Variants in DIS3L2 observed in about 807,000 individuals in gnomAD.
DIS3L2 encodes the protein DIS3 like 3'-5' exoribonuclease 2.
Under a neutral mutation model 97.5 loss-of-function variants are expected in DIS3L2, and 34 were observed. The observed-to-expected ratio is 0.35, with a 90% confidence interval of 0.27 to 0.46. The LOEUF is 0.46. DIS3L2 is among the 20% of genes least tolerant of loss of function. The pLI is 1.00. For missense variants in DIS3L2, 1,038 were observed against 1,146.0 expected, an observed-to-expected ratio of 0.91 and a Z score of 1.36; for synonymous variants, 435 against 445.2, an observed-to-expected ratio of 0.98 and a Z score of 0.29.
chr2:232,084,451 G>A (rs1257508721), intron 5 of DIS3L2, among the ~76,000 whole-genome samples: 2 of 152,182 alleles, frequency 1.3e-5, no homozygotes, highest in African/African-American at 4.8e-5. Flanking sequence ...TCATGTTGAT[G>A]CTCAAAAAGT....
chr2:232,294,508 T>G (rs1429921383), intron 13 of DIS3L2, among the ~76,000 whole-genome samples: 1 of 152,160 alleles, frequency 6.6e-6, no homozygotes, highest in Non-Finnish European at 1.5e-5. Flanking sequence ...TGAATTTCAG[T>G]CCTCATGAAG....
intron 7 of DIS3L2, among the ~76,000 whole-genome samples, chr2:232,135,672 A>G (rs1028328115): frequency 2.0e-5 from 3 of 151,904 alleles, no homozygotes; most frequent in Non-Finnish European, 4.4e-5. Context: ...GGTGCACTCA[A>G]TTGGTTTGGA....
intron 8 of DIS3L2, among the ~76,000 whole-genome samples, chr2:232,157,030 T>G (rs1690513181): frequency 6.6e-6 from 1 of 152,232 alleles, no homozygotes; most frequent in South Asian, 2.1e-4. Flanking sequence ...CTTTATATTG[T>G]TGTTGCCATT....
intron 5 of DIS3L2, among the ~76,000 whole-genome samples, chr2:232,032,648 A>G (rs941500769): frequency 3.3e-5 from 5 of 152,070 alleles, no homozygotes; most frequent in African/African-American, 1.2e-4. Flanking sequence ...TTACATATAA[A>G]CATTTAATCC....
At chr2:232,136,860 A>T in intron 8 of DIS3L2, 141 bp downstream of exon 8, 1 of 1,095,656 alleles carries the variant, frequency 9.1e-7, no homozygotes, top group Non-Finnish European at 1.3e-6. Flanking sequence ...CTGATTCTTC[A>T]GAAGTCACTC....
exon 14 of DIS3L2, chr2:232,343,628 T>G (rs1696163462): frequency 1.3e-6 from 2 of 1,543,336 alleles, no homozygotes; most frequent in Non-Finnish European, 1.8e-6. Flanking sequence ...GGAAAGAAAG[T>G]AAACAGGTAA....
chr2:231,976,799 G>A (rs557809645), intron 1 of DIS3L2, among the ~76,000 whole-genome samples: 13 of 123,568 alleles, frequency 1.1e-4, no homozygotes, highest in African/African-American at 3.8e-4. Context: ...ACAGAGTCTC[G>A]CTCTGTTGCC....
chr2:232,204,211 T>C (rs1019917719), intron 9 of DIS3L2, among the ~76,000 whole-genome samples: 4 of 152,136 alleles, frequency 2.6e-5, no homozygotes, highest in Admixed American at 2.0e-4. Context: ...CTGTGGCGAC[T>C]AGACAGCTTC....
At chr2:232,183,951 G>A (rs868541991) in intron 9 of DIS3L2, among the ~76,000 whole-genome samples, 71 of 152,144 alleles carry the variant, frequency 4.7e-4, no homozygotes, top group African/African-American at 1.4e-3. Flanking sequence ...TTTTCACCAC[G>A]ATTACAATGC....
chr2:232,296,354 C>T (rs1442830820), intron 13 of DIS3L2, among the ~76,000 whole-genome samples: 4 of 152,240 alleles, frequency 2.6e-5, no homozygotes, highest in Non-Finnish European at 5.9e-5. Flanking sequence ...TTCTCAGCCT[C>T]AAGTTCCTCA....
downstream of DIS3L2, among the ~76,000 whole-genome samples, chr2:232,339,951 G>A (rs1234937893): frequency 3.3e-5 from 5 of 152,166 alleles, no homozygotes; most frequent in Non-Finnish European, 5.9e-5. Flanking sequence ...GCTGGAGCCT[G>A]GCTAGGTATG....
At chr2:232,233,661 G>A (rs911821029) in intron 10 of DIS3L2, among the ~76,000 whole-genome samples, 1 of 152,224 alleles carries the variant, frequency 6.6e-6, no homozygotes, top group Admixed American at 6.5e-5. Flanking sequence ...ACCCAAGTCT[G>A]GAAGGCCTTA....
intron 6 of DIS3L2, among the ~76,000 whole-genome samples, chr2:232,127,305 C>A (rs551041701): frequency 2.0e-5 from 3 of 152,194 alleles, no homozygotes; most frequent in Non-Finnish European, 2.9e-5. Flanking sequence ...ATCTTTACCC[C>A]TTCCTCTTGT....
intron 9 of DIS3L2, among the ~76,000 whole-genome samples, chr2:232,209,548 G>A (rs1379242404): frequency 6.6e-6 from 1 of 152,150 alleles, no homozygotes; most frequent in African/African-American, 2.4e-5. Flanking sequence ...GTGGCATGGG[G>A]GCAGAAGGGC....
intron 6 of DIS3L2, among the ~76,000 whole-genome samples, chr2:232,128,904 A>C (rs545610024): frequency 2.6e-5 from 4 of 152,202 alleles, no homozygotes; most frequent in Non-Finnish European, 5.9e-5. Flanking sequence ...GGTTTAATTT[A>C]TTAGAATGTA....
At chr2:232,296,899 C>G (rs1694737865) in intron 13 of DIS3L2, among the ~76,000 whole-genome samples, 2 of 152,134 alleles carry the variant, frequency 1.3e-5, no homozygotes, top group Admixed American at 6.5e-5. Context: ...TGCTGACTTG[C>G]CTTATTGTTG....
intron 4 of DIS3L2, 42 bp from the exon 5 acceptor site, chr2:232,029,937 G>A (rs1223206026): frequency 2.7e-6 from 4 of 1,462,164 alleles, no homozygotes; most frequent in South Asian, 2.6e-5. Flanking sequence ...TGCTTTATGT[G>A]TTTTTAAGCT....
chr2:231,998,771 T>C (rs540531927), intron 1 of DIS3L2, among the ~76,000 whole-genome samples: 1 of 152,352 alleles, frequency 6.6e-6, no homozygotes, highest in South Asian at 2.1e-4. Context: ...TCCATTGTTT[T>C]TTCTAGATTT....
chr2:232,290,848 A>G (rs922078109), intron 13 of DIS3L2, among the ~76,000 whole-genome samples: 1 of 152,208 alleles, frequency 6.6e-6, no homozygotes, highest in Non-Finnish European at 1.5e-5. Flanking sequence ...CGGGAACTCC[A>G]TGCTGAATAG....
Sources: gnomAD v4.1 joint callset for allele counts (sites outside exome capture counted in the v4.1 genomes callset) on GRCh38, gnomAD v4.1.1 for gene constraint, MANE v1.5 for transcripts, NCBI Gene and HGNC (gene_info 2026-07-23, HGNC 2026-07-21) for gene names.